The following FLT4 variants were observed in gnomAD, a reference collection of about 807,000 sequenced individuals.
The protein encoded by FLT4 is vascular endothelial growth factor receptor 3.
A neutral mutation model predicts 163.2 loss-of-function variants in FLT4; 30 were observed. The observed-to-expected ratio is 0.18, with a 90% confidence interval of 0.14 to 0.25. The LOEUF is 0.25. FLT4 is among the 10% of genes least tolerant of loss of function. FLT4 has a pLI of 1.00. For synonymous variants in FLT4, 884 were observed against 789.5 expected (o/e 1.12, Z -2.01); for missense variants, 1,510 against 1,863.8 (o/e 0.81, Z 3.50).
intron 1 of FLT4, among the ~76,000 whole-genome samples, chr5:180,637,713 G>C (rs1036177674): frequency 6.6e-6 from 1 of 152,140 alleles, no homozygotes; most frequent in African/African-American, 2.4e-5. Flanking sequence ...TGTATCTTTA[G>C]TAGACGGGGC....
At chr5:180,650,102 C>T (rs1211880819), upstream of FLT4, among the ~76,000 whole-genome samples, 8 of 145,460 alleles carry the variant, frequency 5.5e-5, no homozygotes, top group Admixed American at 1.4e-4. Context: ...GCAGGAGAAT[C>T]GCTTGAACCC....
Position 180,649,591 on chromosome 5 carries a change from G to A in FLT4, c.-46C>T, listed in dbSNP as rs1368120189. Reference sequence around the variant, plus strand: ...TCCGACCCGAGCGGCCGCGGCTCGGGGCTGAAAGTGTCCGCGCGGGCGCCG... The same window carrying A: ...TCCGACCCGAGCGGCCGCGGCTCGGAGCTGAAAGTGTCCGCGCGGGCGCCG... On this transcript the variant is annotated 5_prime_UTR_variant, in exon 1 of 30. Transcript: ENST00000261937. 1.7e-6 allele frequency: 2 copies of A among 1,202,456 alleles called. No homozygotes were observed. Among genetic ancestry groups the A allele is most frequent in the East Asian group, 3.6e-5 (1 of 27,676 alleles). 74.5% of individuals were successfully genotyped at this position (1,202,456 alleles called of 1,614,324 possible).
intron 10 of FLT4, 101 bp from the exon 11 acceptor site, chr5:180,624,162 A>G: frequency 1.4e-6 from 2 of 1,407,200 alleles, no homozygotes; most frequent in Non-Finnish European, 2.0e-6. Context: ...TCACCTTCTC[A>G]TATGGGGTCG....
At chr5:180,637,292 TACACTCCAGCCTGGGACAG>T (rs1420482223) in intron 1 of FLT4, among the ~76,000 whole-genome samples, 1 of 142,310 alleles carries the variant, frequency 7.0e-6, no homozygotes, top group South Asian at 2.2e-4. Context: ...ATCGTGCCAC[TACACTCCAGCCTGGGACAG>T]AGCGAGACTC....
At chr5:180,612,284 C>G (rs904298911) in intron 26 of FLT4, 1 of 594,098 alleles carries the variant, frequency 1.7e-6, no homozygotes, top group Non-Finnish European at 3.0e-6. Flanking sequence ...ACTATCCACA[C>G]AGCACCTGGA....
intron 21 of FLT4, 62 bp from the exon 22 acceptor site, chr5:180,617,056 C>T: frequency 5.8e-6 from 7 of 1,213,150 alleles, no homozygotes; most frequent in South Asian, 4.8e-5. Flanking sequence ...TCTACCCAGC[C>T]CCAGGGAACA....
At chr5:180,609,077 C>A (rs2127787647) in intron 28 of FLT4, 24 bp from the exon 29 acceptor site, 1 of 1,607,708 alleles carries the variant, frequency 6.2e-7, no homozygotes, top group Non-Finnish European at 8.5e-7. Flanking sequence ...ACAAGCCAGG[C>A]TGTGGGTCCC....
Position 180,620,125 on chromosome 5 carries a change from G to T in FLT4, c.2542+48C>A, listed in dbSNP as rs754415566. 2 of 1,583,098 alleles carry T rather than the reference G, an allele frequency of 1.3e-6. No homozygotes were observed. The highest frequency in any genetic ancestry group is 1.3e-5 in the African/African-American group (1 of 74,504). On this transcript the variant is annotated intron_variant, in intron 17 of 29. Transcript: ENST00000261937. This position sits in a 1 kb window ranked among gnomAD's most constrained non-coding sequence, Gnocchi z 4.4. ...ATTCAGGCACTCCGGCCTGCAGCAG[G>T]TGGGTCGGGCAGGAGGTGTGGGTTG...
At chr5:180,631,492 C>T (rs944930052) in intron 2 of FLT4, among the ~76,000 whole-genome samples, 190 bp downstream of exon 2, 1 of 151,884 alleles carries the variant, frequency 6.6e-6, no homozygotes, top group African/African-American at 2.4e-5. Context: ...AAAAGAAATG[C>T]TGATGGGGGT....
In FLT4 at chr5:180,618,658, TCCACACTCTCCCATGAAAGCC is replaced by T. The variant is rs1301902928; in HGVS notation, c.3001+91_3001+111del. 1.0e-4 allele frequency: 123 copies of T among 1,181,842 alleles called. 3 individuals are homozygous for T. In the Admixed American group the frequency reaches 2.4e-3, roughly 24 times the overall value. 73.2% of individuals were successfully genotyped at this position (1,181,842 alleles called of 1,614,324 possible). The stretch of plus-strand genomic sequence containing the variant: ...CTTCCCTTCCTAAGGCAGAGCCCAT[TCCACACTCTCCCATGAAAGCC>T]CCCGCTGAGGACCCCAGGCTGGGGT... On this transcript the variant is annotated intron_variant, in intron 21 of 29. Coordinates refer to ENST00000261937, the MANE Select transcript of FLT4 (RefSeq NM_182925.5).
At position 180,620,258 on chromosome 5, in the gene FLT4, G is replaced by C. The variant is rs1341497541; in HGVS notation, c.2457C>G (p.Pro819=). ...ATTGCTCCTCCAGAGGCACCTCCCC[G>C]GGGTCCATGATGATGGACAGGTAGC... ...KTGYLSIIMD[P]GEVPLEEQCE... The change falls in exon 17 of 30, where the codon CCC becomes CCG. Residue 819 remains proline, a synonymous_variant. Coordinates refer to ENST00000261937, the MANE Select transcript of FLT4 (RefSeq NM_182925.5). The surrounding 1 kb of genome is among the most constrained non-coding windows in gnomAD (Gnocchi z 4.4). 21 of 1,611,858 alleles carry C rather than the reference G, an allele frequency of 1.3e-5. No individual in the cohort carries two copies. Among genetic ancestry groups the C allele is most frequent in the Non-Finnish European group, 1.7e-5 (20 of 1,179,958 alleles).
chr5:180,650,085 G>T (rs529393195), upstream of FLT4, among the ~76,000 whole-genome samples: 3 of 150,774 alleles, frequency 2.0e-5, no homozygotes, highest in Non-Finnish European at 4.4e-5. Context: ...TTCTCGGGGG[G>T]GCTGAGGCAG....
rs372015133 is a variant in FLT4 at position 180,621,259 on chromosome 5, G to A, written c.2021-7C>T. The A allele has an allele frequency of 3.7e-6, 6 of 1,611,072 alleles. No homozygotes were observed. The highest frequency in any genetic ancestry group is 2.2e-5 in the East Asian group (1 of 44,812). Reference sequence around the variant, plus strand: ...AGCCGAGGGGCTTCCAGGGCTGGGGGCAGGGGTCGAGAGGGAGCTAAGTGG... The same window carrying A: ...AGCCGAGGGGCTTCCAGGGCTGGGGACAGGGGTCGAGAGGGAGCTAAGTGG... On this transcript the variant is annotated splice_polypyrimidine_tract_variant and splice_region_variant and intron_variant, in intron 13 of 29. Transcript: ENST00000261937.
At chr5:180,613,272 G>T in intron 24 of FLT4, 162 bp from the exon 25 acceptor site, 1 of 570,388 alleles carries the variant, frequency 1.8e-6, no homozygotes, top group Non-Finnish European at 3.1e-6. Flanking sequence ...TGCTCTACCT[G>T]GGACCTGTGG....
rs148576147 is a variant in FLT4 at position 180,610,574 on chromosome 5, A to G, written c.3687-549T>C. 3.7e-3 allele frequency among the ~76,000 whole-genome samples: 566 copies of G among 152,324 alleles called. 5 individuals carry two copies. The highest frequency in any genetic ancestry group is 0.03 in the South Asian group (147 of 4,830). On this transcript the variant is annotated intron_variant, in intron 27 of 29. Coordinates refer to ENST00000261937, the MANE Select transcript of FLT4 (RefSeq NM_182925.5). Reference sequence around the variant, plus strand: ...CCATCCTGAGTGTGAAATGCCAGGGATAAGAGAGCCTGGGCAGAGTTCCGG... The same window carrying G: ...CCATCCTGAGTGTGAAATGCCAGGGGTAAGAGAGCCTGGGCAGAGTTCCGG...
intron 29 of FLT4, among the ~76,000 whole-genome samples, chr5:180,606,874 G>A (rs1468753239): frequency 6.8e-6 from 1 of 146,288 alleles, no homozygotes; most frequent in African/African-American, 2.6e-5. Flanking sequence ...TGGCCAACGT[G>A]GCGAAACCCC....
rs1224066555 is a variant in FLT4, at chr5:180,629,351, T to C, written c.893A>G (p.His298Arg). 5 of 1,613,118 alleles carry C rather than the reference T, an allele frequency of 3.1e-6. No individual in the cohort carries two copies. Among genetic ancestry groups the C allele is most frequent in the East Asian group, 2.2e-5 (1 of 44,880 alleles). Reference sequence around the variant, plus strand: ...GCCCAGGTCGTGCTGGCTGACGTTGTGGATGGTCAGGATGCTGGAGAGTTC... The same window carrying C: ...GCCCAGGTCGTGCTGGCTGACGTTGCGGATGGTCAGGATGCTGGAGAGTTC... ...HTELSSILTI[H>R]NVSQHDLGSY... The change falls in exon 7 of 30, where the codon CAC (histidine) becomes CGC (arginine). Residue 298 changes from histidine to arginine, a missense_variant. His to Arg is a conservative substitution (Grantham distance 29). Around this residue, in one of 5 missense-constraint regions of FLT4, gnomAD observed 163 missense variants for 281.1 expected, o/e 0.58. Transcript: ENST00000261937.
chr5:180,603,455 G>T, intron 29 of FLT4, 65 bp from the exon 30 acceptor site: 1 of 1,458,124 alleles, frequency 6.9e-7, no homozygotes, highest in Non-Finnish European at 9.5e-7. Flanking sequence ...GTGCATACTG[G>T]TAATCCCAGT....
At chr5:180,605,062 G>T (rs1761716377) in intron 29 of FLT4, among the ~76,000 whole-genome samples, 1 of 152,216 alleles carries the variant, frequency 6.6e-6, no homozygotes, top group Admixed American at 6.5e-5. Context: ...CTGGGCTCAA[G>T]CAACTCTCCC....
Sources: gnomAD v4.1 joint callset for allele counts (sites outside exome capture counted in the v4.1 genomes callset) on GRCh38, gnomAD v4.1.1 for gene constraint, gnomAD v4.1.1 regional missense constraint, Gnocchi (gnomAD v3.1) non-coding constraint, MANE v1.5 for transcripts, NCBI Gene and HGNC (gene_info 2026-07-23, HGNC 2026-07-21) for gene names.